Variants in NHS observed in about 807,000 individuals in gnomAD.
The protein encoded by NHS is NHS actin remodeling regulator, also known as actin remodeling regulator NHS.
In NHS, 5 loss-of-function variants were observed where a neutral mutation model predicts 72.5. That is an observed-to-expected ratio of 0.07 (90% CI 0.04 to 0.14). The LOEUF (loss-of-function observed/expected upper bound fraction) is 0.14. Ranked by LOEUF, NHS falls within the 10% of genes least tolerant of loss-of-function variation. The pLI is 1.00. For synonymous variants in NHS, 464 were observed against 547.7 expected, an observed-to-expected ratio of 0.85 and a Z score of 2.13; for missense variants, 1,072 against 1,355.7, an observed-to-expected ratio of 0.79 and a Z score of 3.29.
At chrX:17,471,267 T>C (rs1378243408) in intron 1 of NHS, among the ~76,000 whole-genome samples, 1 of 112,152 alleles carries the variant, frequency 8.9e-6, no homozygotes, top group Non-Finnish European at 1.9e-5. Flanking sequence ...TATATGTCTG[T>C]TATATCTCTG....
chrX:17,695,525 T>C (rs2066223287), intron 3 of NHS, among the ~76,000 whole-genome samples: 1 of 111,928 alleles, frequency 8.9e-6, no homozygotes, highest in South Asian at 3.7e-4. Context: ...TGTGTACATA[T>C]ACATACGCAT....
intron 1 of NHS, among the ~76,000 whole-genome samples, chrX:17,430,343 CT>C (rs1448224699): frequency 1.2e-5 from 1 of 83,317 alleles, no homozygotes; most frequent in African/African-American, 4.6e-5. Context: ...TCTTCTCTTT[CT>C]TTCTTTCTTT....
At chrX:17,513,982 A>G (rs1396674516) in intron 1 of NHS, among the ~76,000 whole-genome samples, 3 of 112,061 alleles carry the variant, frequency 2.7e-5, no homozygotes, top group African/African-American at 9.7e-5. Flanking sequence ...GGCAGAAGGC[A>G]AGGAGGAGCA....
intron 1 of NHS, among the ~76,000 whole-genome samples, chrX:17,550,522 G>A (rs942057986): frequency 8.9e-6 from 1 of 111,978 alleles, no homozygotes; most frequent in Admixed American, 9.4e-5. Context: ...CTGGGGCTGA[G>A]CCGCGCAGGT....
At chrX:17,574,452 T>C (rs1436203609) in intron 1 of NHS, among the ~76,000 whole-genome samples, 2 of 112,175 alleles carry the variant, frequency 1.8e-5, no homozygotes, top group East Asian at 5.6e-4. Flanking sequence ...CAGGTCTATC[T>C]CAGAATGCTG....
chrX:17,522,131 T>C (rs2065151411), intron 1 of NHS, among the ~76,000 whole-genome samples: 1 of 112,503 alleles, frequency 8.9e-6, no homozygotes, highest in Admixed American at 9.3e-5. Flanking sequence ...CATGTCCAGC[T>C]ACAAGGGCCA....
At chrX:17,690,811 T>C (rs1431545416) in intron 2 of NHS, among the ~76,000 whole-genome samples, 15 of 112,213 alleles carry the variant, frequency 1.3e-4, no homozygotes, top group Admixed American at 1.0e-3. Context: ...TTACTTTTTT[T>C]CCCCCTTAGT....
intron 3 of NHS, among the ~76,000 whole-genome samples, chrX:17,709,269 T>C (rs767248475): frequency 4.5e-5 from 5 of 111,656 alleles, no homozygotes; most frequent in Non-Finnish European, 9.4e-5. Context: ...CAATAAATTC[T>C]TTTCCCCTCT....
At chrX:17,485,746 G>A (rs1375149593) in intron 1 of NHS, among the ~76,000 whole-genome samples, 2 of 111,640 alleles carry the variant, frequency 1.8e-5, no homozygotes, top group Admixed American at 9.6e-5. Flanking sequence ...GAGGAGAAAT[G>A]CAACTTACTG....
At chrX:17,538,629 A>G (rs888806871) in intron 1 of NHS, among the ~76,000 whole-genome samples, 2 of 111,627 alleles carry the variant, frequency 1.8e-5, no homozygotes, top group Non-Finnish European at 3.8e-5. Context: ...GGAGAGGGTC[A>G]TAGGTGTACG....
chrX:17,549,689 AT>A (rs765796120), intron 1 of NHS, among the ~76,000 whole-genome samples: 33 of 111,975 alleles, frequency 2.9e-4, no homozygotes, highest in African/African-American at 1.0e-3. Flanking sequence ...GGCACCATTT[AT>A]TCTCCAAGAG....
chrX:17,624,227 G>A (rs1334021561), intron 1 of NHS, among the ~76,000 whole-genome samples: 1 of 112,741 alleles, frequency 8.9e-6, no homozygotes, highest in Non-Finnish European at 1.9e-5. Flanking sequence ...AAAACTACAA[G>A]CCATGTCTAA....
intron 1 of NHS, among the ~76,000 whole-genome samples, chrX:17,579,022 C>G: frequency 8.9e-6 from 1 of 111,868 alleles, no homozygotes; most frequent in South Asian, 3.7e-4. Flanking sequence ...TCAAGTAACT[C>G]ACTCAGTAAA....
intron 1 of NHS, among the ~76,000 whole-genome samples, chrX:17,512,231 G>T (rs1432524469): frequency 3.6e-5 from 4 of 112,091 alleles, no homozygotes; most frequent in African/African-American, 1.3e-4. Flanking sequence ...CACAGGGCTT[G>T]TGGGATAAAT....
intron 1 of NHS, among the ~76,000 whole-genome samples, chrX:17,429,493 T>A (rs2064676935): frequency 9.0e-6 from 1 of 111,402 alleles, no homozygotes; most frequent in African/African-American, 3.3e-5. Context: ...TAATTCTGTT[T>A]TTTGTCTGAA....
rs146890217 is a variant in NHS, at chrX:17,407,218, G to C, written c.565+30896G>C. ...AATGTAGTAAATCCAGAGTTACAGGGAGATTGTGGTGTTTCCTCTTCTGGT... is the reference window on the plus strand; with the variant it reads ...AATGTAGTAAATCCAGAGTTACAGGCAGATTGTGGTGTTTCCTCTTCTGGT... On this transcript the variant is annotated intron_variant, in intron 1 of 8. Coordinates refer to ENST00000676302, the MANE Select transcript of NHS (RefSeq NM_001291867.2). Among the ~76,000 whole-genome samples the C allele has an allele frequency of 1.3e-3, 147 of 111,913 alleles. 1 individual carries two copies. Among genetic ancestry groups the C allele is most frequent in the African/African-American group, 4.5e-3 (138 of 30,864 alleles).
chrX:17,458,674 T>G (rs113494119), intron 1 of NHS, among the ~76,000 whole-genome samples: 1,460 of 109,276 alleles, frequency 0.013, 27 homozygotes, highest in African/African-American at 0.046. Context: ...TATATTTTTA[T>G]TAGAGTTGGG....
intron 1 of NHS, among the ~76,000 whole-genome samples, chrX:17,391,422 A>G (rs1290661227): frequency 8.9e-6 from 1 of 111,980 alleles, no homozygotes; most frequent in Non-Finnish European, 1.9e-5. Flanking sequence ...TAATCCATGG[A>G]CAGTGCCAGC....
chrX:17,538,365 G>C (rs1298406816), intron 1 of NHS, among the ~76,000 whole-genome samples: 1 of 111,530 alleles, frequency 9.0e-6, no homozygotes. Context: ...GCAGTGGTTA[G>C]GGCCTGGAGA....
Sources: gnomAD v4.1 joint callset for allele counts (sites outside exome capture counted in the v4.1 genomes callset) on GRCh38, gnomAD v4.1.1 for gene constraint, MANE v1.5 for transcripts, NCBI Gene and HGNC (gene_info 2026-07-23, HGNC 2026-07-21) for gene names.